INPP5A: variants seen among roughly 807,000 people sequenced by gnomAD.
INPP5A encodes 43 kDa inositol polyphosphate 5-phophatase.
Under a neutral mutation model 65.2 loss-of-function variants are expected in INPP5A, and 14 were observed. The observed-to-expected ratio is 0.21, with a 90% confidence interval of 0.14 to 0.34. The LOEUF is 0.34. Ranked by LOEUF, INPP5A falls within the 10% of genes least tolerant of loss-of-function variation. The pLI is 1.00. For missense variants in INPP5A, 431 were observed against 545.6 expected, an observed-to-expected ratio of 0.79 and a Z score of 2.09; for synonymous variants, 207 against 208.3, an observed-to-expected ratio of 0.99 and a Z score of 0.05.
intron 12 of INPP5A, among the ~76,000 whole-genome samples, chr10:132,768,490 CT>C (rs1402553593): frequency 6.6e-6 from 1 of 152,290 alleles, no homozygotes; most frequent in Non-Finnish European, 1.5e-5. Context: ...TCAGCTTCCG[CT>C]TTCCCGCTGC....
At chr10:132,608,445 C>T (rs906644849) in intron 2 of INPP5A, among the ~76,000 whole-genome samples, 19 of 152,340 alleles carry the variant, frequency 1.2e-4, no homozygotes, top group African/African-American at 3.8e-4. Context: ...AATATGGGGC[C>T]GGTGTTTATG....
At chr10:132,657,480 G>A (rs1167228378) in intron 4 of INPP5A, among the ~76,000 whole-genome samples, 1 of 152,192 alleles carries the variant, frequency 6.6e-6, no homozygotes, top group Non-Finnish European at 1.5e-5. Flanking sequence ...GCAGCTCACA[G>A]CCCCCACCCC....
chr10:132,577,265 G>T (rs1319100246), intron 1 of INPP5A, among the ~76,000 whole-genome samples: 2 of 152,220 alleles, frequency 1.3e-5, no homozygotes, highest in African/African-American at 4.8e-5. Context: ...TTCTGTTGCA[G>T]TGTCTGCTCC....
At chr10:132,719,905 C>A (rs1240333715) in intron 8 of INPP5A, among the ~76,000 whole-genome samples, 2 of 148,668 alleles carry the variant, frequency 1.3e-5, no homozygotes, top group African/African-American at 2.5e-5. Context: ...TTCTGTGGTA[C>A]CTGGGTTCTG....
rs187474551 is a variant in INPP5A at position 132,758,679 on chromosome 10, C to T, written c.904-7094C>T. On this transcript the variant is annotated intron_variant, in intron 11 of 15. Coordinates refer to ENST00000368594, the MANE Select transcript of INPP5A (RefSeq NM_005539.5). ...GGGTCCCCAGCTGACCCCAGCTCGG[C>T]TGTTTTCCTATTGTCATGGACTGTC... Among the ~76,000 whole-genome samples, 7 of 152,370 alleles carry T rather than the reference C, an allele frequency of 4.6e-5. No homozygotes were observed. In the South Asian group the frequency reaches 1.0e-3, roughly 23 times the overall value.
rs1845497262 is a variant in INPP5A, at chr10:132,704,312, C to G, written c.475-4001C>G. ...TGTAGATTTGTCACCAGTCACACGT[C>G]CAGCCTTCTCCCATGACAGCCCCCA... On this transcript the variant is annotated intron_variant, in intron 6 of 15. Transcript: ENST00000368594. This position sits in a 1 kb window ranked among gnomAD's most constrained non-coding sequence, Gnocchi z 4.5. 6.6e-6 allele frequency among the ~76,000 whole-genome samples: 1 copy of G among 152,218 alleles called. No homozygotes were observed.
chr10:132,632,291 C>T (rs1289989219), intron 2 of INPP5A, among the ~76,000 whole-genome samples: 2 of 152,216 alleles, frequency 1.3e-5, no homozygotes, highest in African/African-American at 2.4e-5. Context: ...CTGCAGCTGC[C>T]TAGAGCTCTG....
intron 1 of INPP5A, among the ~76,000 whole-genome samples, chr10:132,539,308 T>G (rs1162106851): frequency 2.0e-5 from 3 of 152,096 alleles, no homozygotes; most frequent in Non-Finnish European, 4.4e-5. Flanking sequence ...CCACTTAGTA[T>G]CTCTTTAGTT....
intron 4 of INPP5A, among the ~76,000 whole-genome samples, chr10:132,667,791 G>T (rs183742293): frequency 6.6e-6 from 1 of 152,178 alleles, no homozygotes; most frequent in African/African-American, 2.4e-5. Context: ...GCTGCCCGGC[G>T]CGAGCCGGAA....
chr10:132,628,347 CAG>C (rs1467884832), intron 2 of INPP5A, among the ~76,000 whole-genome samples: 1 of 145,872 alleles, frequency 6.9e-6, no homozygotes, highest in Admixed American at 6.7e-5. Context: ...TGAGGAGTGA[CAG>C]AGTGAATTCC....
rs1382129330 is a variant in INPP5A, at chr10:132,678,368, GTTA to G, written c.307-12019_307-12017del. On this transcript the variant is annotated intron_variant, in intron 4 of 15. Transcript: ENST00000368594. This position sits in a 1 kb window ranked among gnomAD's most constrained non-coding sequence, Gnocchi z 4.1. Reference sequence around the variant, plus strand: ...TATTATTGTTTATAATCTAATGACTGTTATTATAACTTTGCTTTGATTTATTAC... The same window carrying G: ...TATTATTGTTTATAATCTAATGACTGTTATAACTTTGCTTTGATTTATTAC... Among the ~76,000 whole-genome samples the G allele has an allele frequency of 2.0e-5, 3 of 152,176 alleles. No homozygotes were observed. Among genetic ancestry groups the G allele is most frequent in the African/African-American group, 4.8e-5 (2 of 41,444 alleles).
rs2072710474 is a variant in INPP5A, at chr10:132,659,742, G to GCCT, written c.306+9243_306+9245dup. 6.6e-6 allele frequency among the ~76,000 whole-genome samples: 1 copy of GCCT among 152,194 alleles called. No individual in the cohort carries two copies. The highest frequency in any genetic ancestry group is 2.4e-5 in the African/African-American group (1 of 41,444). ...GCAACCTTGCCTGGCACTCACCAGGGCCTCCTCCCCAGCACTGTCCCGAGT... is the reference window on the plus strand; with the variant it reads ...GCAACCTTGCCTGGCACTCACCAGGGCCTCCTCCTCCCCAGCACTGTCCCGAGT... On this transcript the variant is annotated intron_variant, in intron 4 of 15. Coordinates refer to ENST00000368594, the MANE Select transcript of INPP5A (RefSeq NM_005539.5). The surrounding 1 kb of genome is among the most constrained non-coding windows in gnomAD (Gnocchi z 5.5).
intron 1 of INPP5A, among the ~76,000 whole-genome samples, chr10:132,564,507 C>T (rs531749448): frequency 3.9e-5 from 6 of 152,134 alleles, no homozygotes; most frequent in East Asian, 1.9e-4. Context: ...TCAGAGTCAC[C>T]GGCCCAGGGC....
At chr10:132,708,062 C>T (rs916793379) in intron 6 of INPP5A, among the ~76,000 whole-genome samples, 92 of 152,322 alleles carry the variant, frequency 6.0e-4, no homozygotes, top group African/African-American at 1.9e-3. Flanking sequence ...CAGGCTGGCA[C>T]GTTTCTTCAT....
chr10:132,649,822 G>C (rs945768297), intron 3 of INPP5A, among the ~76,000 whole-genome samples: 3 of 152,200 alleles, frequency 2.0e-5, no homozygotes, highest in African/African-American at 7.2e-5. Flanking sequence ...ATGGTGGTGA[G>C]CTTGTCTCCT....
rs2071041355 is a variant in INPP5A, at chr10:132,550,954, G to A, written c.75+12783G>A. Among the ~76,000 whole-genome samples the A allele has an allele frequency of 6.6e-6, 1 of 152,198 alleles. No homozygotes were observed. The highest frequency in any genetic ancestry group is 2.4e-5 in the African/African-American group (1 of 41,438). ...GACCTGGCCATCCTTGGGTGACAGT[G>A]GGCCATGTGGTGGGGACTCTGCAGG... On this transcript the variant is annotated intron_variant, in intron 1 of 15. Coordinates refer to ENST00000368594, the MANE Select transcript of INPP5A (RefSeq NM_005539.5). The surrounding 1 kb of genome is among the most constrained non-coding windows in gnomAD (Gnocchi z 4.2).
At chr10:132,745,588 G>A (rs938426475) in intron 9 of INPP5A, among the ~76,000 whole-genome samples, 19 of 152,212 alleles carry the variant, frequency 1.2e-4, no homozygotes, top group Non-Finnish European at 2.6e-4. Flanking sequence ...CCCGGGCCTC[G>A]GGTGTGGTGG....
At chr10:132,658,497 T>C (rs2072689251) in intron 4 of INPP5A, among the ~76,000 whole-genome samples, 1 of 152,064 alleles carries the variant, frequency 6.6e-6, no homozygotes, top group African/African-American at 2.4e-5. Flanking sequence ...ATCAAACGGG[T>C]GGGAAAACAA....
chr10:132,755,442 A>G (rs1375638344), intron 11 of INPP5A, among the ~76,000 whole-genome samples: 9 of 115,790 alleles, frequency 7.8e-5, no homozygotes, highest in South Asian at 3.2e-4. Flanking sequence ...GGGTGTGTGC[A>G]TGAGAGCAGG....
Sources: allele counts gnomAD v4.1 joint callset (sites outside exome capture counted in the v4.1 genomes callset), GRCh38; gene constraint gnomAD v4.1.1; non-coding constraint Gnocchi (gnomAD v3.1); transcripts MANE v1.5; gene names NCBI Gene and HGNC (gene_info 2026-07-23, HGNC 2026-07-21).